The following KAZN variants were observed in gnomAD, a reference collection of about 807,000 sequenced individuals.
KAZN encodes the protein kazrin, periplakin interacting protein.
In KAZN, 40 loss-of-function variants were observed where a neutral mutation model predicts 87.4. The observed-to-expected ratio is 0.46, with a 90% CI of 0.36 to 0.60. The LOEUF is 0.60. Ranked by LOEUF, KAZN falls within the 20% of genes least tolerant of loss-of-function variation. The pLI is 0.00. For synonymous variants in KAZN, 466 were observed against 458.3 expected, an observed-to-expected ratio of 1.02 and a Z score of -0.22; for missense variants, 898 against 1,073.9, an observed-to-expected ratio of 0.84 and a Z score of 2.29.
intron 1 of KAZN, among the ~76,000 whole-genome samples, chr1:14,887,757 C>G (rs978195651): frequency 6.6e-6 from 1 of 150,832 alleles, no homozygotes; most frequent in African/African-American, 2.4e-5. Flanking sequence ...TCCTTGCTCT[C>G]GGTAATGAGC....
At chr1:14,078,976 G>A (rs767155511) in intron 1 of KAZN, among the ~76,000 whole-genome samples, 9 of 152,288 alleles carry the variant, frequency 5.9e-5, no homozygotes, top group African/African-American at 1.7e-4. Context: ...GTGAGCCACC[G>A]TGCCCGGCCT....
rs902751575 is a variant in KAZN at position 14,700,994 on chromosome 1, G to T, written c.226+101771G>T. Among the ~76,000 whole-genome samples the T allele has an allele frequency of 2.0e-5, 3 of 152,192 alleles. No individual in the cohort carries two copies. The South Asian group carries it at 6.2e-4, about 32-fold the overall frequency. On this transcript the variant is annotated intron_variant, in intron 1 of 14. Transcript: ENST00000376030. Reference sequence around the variant, plus strand: ...TGAGTGGGCTTCAAAGGGAAGCCTTGCTAAATGAAGAAGCCGGAGAAGATT... The same window carrying T: ...TGAGTGGGCTTCAAAGGGAAGCCTTTCTAAATGAAGAAGCCGGAGAAGATT...
At chr1:14,609,768 G>A (rs1032402553) in intron 1 of KAZN, among the ~76,000 whole-genome samples, 3 of 152,248 alleles carry the variant, frequency 2.0e-5, no homozygotes, top group Non-Finnish European at 4.4e-5. Flanking sequence ...AGTGGTCCAT[G>A]TGATTGAATT....
At chr1:14,516,917 A>G (rs897895484) in intron 2 of KAZN, among the ~76,000 whole-genome samples, 2 of 152,214 alleles carry the variant, frequency 1.3e-5, no homozygotes, top group African/African-American at 2.4e-5. Context: ...GTGTTCTCCT[A>G]GAAGTAAAGA....
At chr1:14,708,464 G>A (rs1642325373) in intron 1 of KAZN, among the ~76,000 whole-genome samples, 1 of 152,126 alleles carries the variant, frequency 6.6e-6, no homozygotes, top group Admixed American at 6.5e-5. Context: ...TCTAGATACG[G>A]GGGCAATATT....
intron 1 of KAZN, among the ~76,000 whole-genome samples, chr1:14,658,242 G>T (rs1369028013): frequency 6.6e-6 from 1 of 152,188 alleles, no homozygotes; most frequent in Non-Finnish European, 1.5e-5. Flanking sequence ...CCTTGGGTGA[G>T]TTTTTTCAAA....
chr1:13,947,585 C>G (rs1641192789), intron 1 of KAZN, among the ~76,000 whole-genome samples: 1 of 152,180 alleles, frequency 6.6e-6, no homozygotes, highest in South Asian at 2.1e-4. Flanking sequence ...TGTCAGGGCA[C>G]TTGTGATTGC....
chr1:14,954,939 G>A (rs566326381), intron 1 of KAZN, among the ~76,000 whole-genome samples: 7 of 152,230 alleles, frequency 4.6e-5, no homozygotes, highest in East Asian at 1.9e-4. Context: ...GCGACAGCAC[G>A]AGACTCCATC....
chr1:14,689,193 T>TCAAAA (rs3081470), intron 1 of KAZN, among the ~76,000 whole-genome samples: 13,686 of 147,788 alleles, frequency 0.093, 733 homozygotes, highest in East Asian at 0.13. Context: ...AGACTCTGTC[T>TCAAAA]CAAAACAAAA....
chr1:14,355,172 A>G (rs1658906648), intron 2 of KAZN, among the ~76,000 whole-genome samples: 1 of 152,126 alleles, frequency 6.6e-6, no homozygotes, highest in African/African-American at 2.4e-5. Context: ...AATCAAGAAA[A>G]TGGTTGCTTT....
intron 2 of KAZN, among the ~76,000 whole-genome samples, chr1:14,441,281 A>G (rs370344323): frequency 1.4e-5 from 2 of 138,830 alleles, no homozygotes; most frequent in Non-Finnish European, 3.2e-5. Context: ...ATATATATAT[A>G]TTTTAAACCC....
intron 2 of KAZN, among the ~76,000 whole-genome samples, chr1:14,392,132 G>T (rs1014165374): frequency 2.0e-5 from 3 of 152,292 alleles, no homozygotes; most frequent in African/African-American, 7.2e-5. Flanking sequence ...AAAGGTGATA[G>T]CCTTTAAACG....
chr1:14,385,900 G>T (rs1457646298), intron 2 of KAZN, among the ~76,000 whole-genome samples: 1 of 148,306 alleles, frequency 6.7e-6, no homozygotes, highest in Non-Finnish European at 1.5e-5. Context: ...TCTGTCTGAT[G>T]TTGACAGTGG....
chr1:14,588,121 T>C (rs1182825213), intron 2 of KAZN, among the ~76,000 whole-genome samples: 1 of 152,166 alleles, frequency 6.6e-6, no homozygotes, highest in Non-Finnish European at 1.5e-5. Flanking sequence ...GGGATGATCA[T>C]GGTAGCTTCT....
chr1:14,305,059 C>G (rs1654826981), intron 2 of KAZN, among the ~76,000 whole-genome samples: 1 of 151,978 alleles, frequency 6.6e-6, no homozygotes, highest in South Asian at 2.1e-4. Flanking sequence ...CACATACTCA[C>G]ACATCCCTAA....
intron 2 of KAZN, among the ~76,000 whole-genome samples, chr1:14,331,144 C>T (rs553974086): frequency 6.6e-6 from 1 of 152,172 alleles, no homozygotes; most frequent in Non-Finnish European, 1.5e-5. Flanking sequence ...GTCCTGGTGG[C>T]CCCTTTTACC....
chr1:13,900,428 C>G (rs1288641400), intron 1 of KAZN, among the ~76,000 whole-genome samples: 2 of 152,176 alleles, frequency 1.3e-5, no homozygotes. Flanking sequence ...GGTGCAAGCA[C>G]TTACTGTCGA....
At chr1:14,425,559 G>A (rs1343524526) in intron 2 of KAZN, among the ~76,000 whole-genome samples, 1 of 152,150 alleles carries the variant, frequency 6.6e-6, no homozygotes. Flanking sequence ...TTATGCATGG[G>A]CTCTTGAATC....
chr1:14,186,619 G>T (rs543214263), intron 2 of KAZN, among the ~76,000 whole-genome samples: 44 of 152,180 alleles, frequency 2.9e-4, no homozygotes, highest in African/African-American at 1.1e-3. Flanking sequence ...TAGGTCACTG[G>T]GCCCTCCTCT....
Sources: gnomAD v4.1 joint callset for allele counts (sites outside exome capture counted in the v4.1 genomes callset) on GRCh38, gnomAD v4.1.1 for gene constraint, MANE v1.5 for transcripts, NCBI Gene and HGNC (gene_info 2026-07-23, HGNC 2026-07-21) for gene names.